WWOX: variants seen among roughly 807,000 people sequenced by gnomAD.
The protein encoded by WWOX is WW domain-containing oxidoreductase.
In WWOX, 69 loss-of-function variants were observed where a neutral mutation model predicts 46.2. That is an observed-to-expected ratio of 1.49 (90% confidence interval 1.23 to 1.82). The LOEUF is 1.82. Ranked by LOEUF, WWOX falls within the 40% of genes most tolerant of loss-of-function variation. The pLI is 0.00. For missense variants in WWOX, 919 were observed against 542.6 expected, an observed-to-expected ratio of 1.69 and a Z score of -6.89; for synonymous variants, 359 against 202.6, an observed-to-expected ratio of 1.77 and a Z score of -6.56.
chr16:78,176,383 C>T (rs1407693755), intron 5 of WWOX, among the ~76,000 whole-genome samples: 1 of 152,178 alleles, frequency 6.6e-6, no homozygotes, highest in Non-Finnish European at 1.5e-5. Context: ...GACTCAGGAG[C>T]CAAGACCTGC....
In WWOX at chr16:78,817,145, C is replaced by T. The variant is rs530608471; in HGVS notation, c.1056+384393C>T. Among the ~76,000 whole-genome samples the T allele has an allele frequency of 1.3e-3, 157 of 118,586 alleles. 1 individual carries two copies. Among genetic ancestry groups the T allele is most frequent in the African/African-American group, 4.9e-3 (155 of 31,720 alleles). 77.8% of individuals were successfully genotyped at this position (118,586 alleles called of 152,430 possible). ...AGTTGCTTAAACATTTTCCTGTTGC[C>T]AGTTTTTCTTAAACATTAGTGCTAT... On this transcript the variant is annotated intron_variant, in intron 8 of 8. Transcript: ENST00000566780.
intron 8 of WWOX, among the ~76,000 whole-genome samples, chr16:78,732,362 G>A (rs28583818): frequency 0.15 from 22,698 of 152,052 alleles, 4,006 homozygotes; most frequent in African/African-American, 0.42. Flanking sequence ...TAGGAAGACC[G>A]TGAGAGGCCC....
intron 8 of WWOX, among the ~76,000 whole-genome samples, chr16:78,677,729 C>G (rs764104386): frequency 7.2e-5 from 11 of 152,162 alleles, no homozygotes; most frequent in Admixed American, 5.9e-4. Context: ...TGGGCACTGC[C>G]TGGCACATAG....
chr16:78,952,485 C>A (rs1290325586), intron 8 of WWOX, among the ~76,000 whole-genome samples: 1 of 151,494 alleles, frequency 6.6e-6, no homozygotes, highest in Non-Finnish European at 1.5e-5. Flanking sequence ...CAGGTTCAGG[C>A]GATTCTCCTG....
At chr16:78,398,501 C>A (rs1433933947) in intron 6 of WWOX, among the ~76,000 whole-genome samples, 2 of 152,190 alleles carry the variant, frequency 1.3e-5, no homozygotes, top group Admixed American at 1.3e-4. Context: ...CTCTACAGAG[C>A]CTCCCTTCTA....
At chr16:78,923,371 C>T (rs1341787417) in intron 8 of WWOX, among the ~76,000 whole-genome samples, 1 of 152,064 alleles carries the variant, frequency 6.6e-6, no homozygotes, top group East Asian at 1.9e-4. Flanking sequence ...ATTTCTAGTT[C>T]AGATCATTCT....
chr16:79,048,272 G>C (rs541151216), intron 8 of WWOX, among the ~76,000 whole-genome samples: 1 of 152,140 alleles, frequency 6.6e-6, no homozygotes, highest in East Asian at 1.9e-4. Flanking sequence ...AAGTGATCCT[G>C]AACCTCTCCA....
intron 8 of WWOX, among the ~76,000 whole-genome samples, chr16:78,500,587 C>G (rs2085037240): frequency 6.6e-6 from 1 of 152,088 alleles, no homozygotes; most frequent in Admixed American, 6.6e-5. Flanking sequence ...ACAGCATTTT[C>G]CTATGACTGA....
intron 4 of WWOX, among the ~76,000 whole-genome samples, chr16:78,117,327 T>G (rs2032849672): frequency 6.6e-6 from 1 of 152,162 alleles, no homozygotes; most frequent in African/African-American, 2.4e-5. Context: ...CCCACAGCTC[T>G]TTCCCCAGCT....
chr16:78,316,252 C>T (rs2080354370), intron 5 of WWOX, among the ~76,000 whole-genome samples: 2 of 152,106 alleles, frequency 1.3e-5, no homozygotes, highest in Non-Finnish European at 2.9e-5. Context: ...AAAAAGGTGG[C>T]ACTGCAGCAA....
intron 8 of WWOX, among the ~76,000 whole-genome samples, chr16:78,753,203 G>C (rs770283039): frequency 6.6e-6 from 1 of 152,138 alleles, no homozygotes; most frequent in Admixed American, 6.5e-5. Flanking sequence ...TGGAGGCTGA[G>C]ACAGGATAAT....
At chr16:78,439,708 A>T (rs1341569968) in intron 8 of WWOX, among the ~76,000 whole-genome samples, 1 of 152,214 alleles carries the variant, frequency 6.6e-6, no homozygotes, top group Non-Finnish European at 1.5e-5. Context: ...ATTAACACCC[A>T]CTTAAAGGTG....
chr16:78,302,332 A>G (rs1031239975), intron 5 of WWOX, among the ~76,000 whole-genome samples: 1 of 152,122 alleles, frequency 6.6e-6, no homozygotes, highest in Non-Finnish European at 1.5e-5. Flanking sequence ...TATATCAGTT[A>G]TAAAAGTTTT....
chr16:78,431,982 C>T (rs987059873), intron 7 of WWOX, among the ~76,000 whole-genome samples: 1 of 152,170 alleles, frequency 6.6e-6, no homozygotes, highest in Admixed American at 6.5e-5. Flanking sequence ...TCCTAAAGTG[C>T]TGGGATTAGA....
chr16:78,372,700 G>T (rs1360407499), intron 5 of WWOX, among the ~76,000 whole-genome samples: 1 of 152,030 alleles, frequency 6.6e-6, no homozygotes, highest in Non-Finnish European at 1.5e-5. Flanking sequence ...GCAGTTATAG[G>T]CTTTTAAGGT....
intron 5 of WWOX, among the ~76,000 whole-genome samples, chr16:78,212,929 C>T (rs970619557): frequency 6.6e-6 from 1 of 152,046 alleles, no homozygotes; most frequent in Non-Finnish European, 1.5e-5. Context: ...TGATATCTGA[C>T]CACAGATGGG....
chr16:78,164,708 A>C (rs1418625638), intron 5 of WWOX, among the ~76,000 whole-genome samples: 32 of 152,344 alleles, frequency 2.1e-4, no homozygotes, highest in Non-Finnish European at 1.5e-5. Flanking sequence ...GTGTCTACAT[A>C]AATATTTACT....
intron 8 of WWOX, among the ~76,000 whole-genome samples, chr16:78,486,320 A>G (rs1277692888): frequency 6.6e-6 from 1 of 152,226 alleles, no homozygotes; most frequent in Non-Finnish European, 1.5e-5. Flanking sequence ...ATAGACATAA[A>G]TAACCTCATG....
chr16:78,853,959 A>C (rs2052510134), intron 8 of WWOX, among the ~76,000 whole-genome samples: 1 of 152,190 alleles, frequency 6.6e-6, no homozygotes, highest in Admixed American at 6.5e-5. Context: ...TTTATTTCTG[A>C]AGGAATTTCC....
Sources: gnomAD v4.1 joint callset for allele counts (sites outside exome capture counted in the v4.1 genomes callset) on GRCh38, gnomAD v4.1.1 for gene constraint, MANE v1.5 for transcripts, NCBI Gene and HGNC (gene_info 2026-07-23, HGNC 2026-07-21) for gene names.